CDH13: variants seen among roughly 807,000 people sequenced by gnomAD.
CDH13 encodes cadherin 13.
A neutral mutation model predicts 63.8 loss-of-function variants in CDH13; 24 were observed. The observed-to-expected ratio is 0.38, with a 90% CI of 0.27 to 0.53. The LOEUF is 0.53. CDH13 is among the 20% of genes least tolerant of loss of function. CDH13 has a pLI of 0.85. For missense variants in CDH13, 1,049 were observed against 903.1 expected (o/e 1.16, Z -2.07); for synonymous variants, 503 against 355.3 (o/e 1.42, Z -4.67).
At chr16:83,255,906 C>T (rs1394552177) in intron 5 of CDH13, among the ~76,000 whole-genome samples, 3 of 152,100 alleles carry the variant, frequency 2.0e-5, no homozygotes, top group African/African-American at 7.2e-5. Context: ...CTAAGCTTGG[C>T]ACATAGTTGG....
intron 10 of CDH13, among the ~76,000 whole-genome samples, chr16:83,700,046 C>A (rs569998553): frequency 7.0e-4 from 106 of 152,322 alleles, no homozygotes; most frequent in African/African-American, 2.5e-3. Flanking sequence ...TCCTCAGAAA[C>A]GTCCTGGACT....
In CDH13 at chr16:82,640,053, G is replaced by T. The variant is rs183766220; in HGVS notation, c.45+12916G>T. Among the ~76,000 whole-genome samples the T allele has an allele frequency of 3.9e-5, 6 of 152,356 alleles. No individual in the cohort carries two copies. In the East Asian group the frequency reaches 1.2e-3, roughly 29 times the overall value. On this transcript the variant is annotated intron_variant, in intron 1 of 13. Transcript: ENST00000567109. ...AAGAAAGACAAGATTGCCTGCCCCC[G>T]TGGAGTTTGTGTTCTGATAGCAGAG...
At chr16:83,647,282 C>T (rs1911918854) in intron 8 of CDH13, among the ~76,000 whole-genome samples, 1 of 146,786 alleles carries the variant, frequency 6.8e-6, no homozygotes, top group African/African-American at 2.5e-5. Flanking sequence ...TACTGCACTC[C>T]AGCCTGGGTG....
chr16:83,076,825 A>C (rs938522991), intron 3 of CDH13, among the ~76,000 whole-genome samples: 1 of 152,130 alleles, frequency 6.6e-6, no homozygotes, highest in South Asian at 2.1e-4. Flanking sequence ...GAAACCCACA[A>C]AGCTTATGCG....
chr16:83,751,748 A>G (rs1750010399), intron 11 of CDH13, among the ~76,000 whole-genome samples: 2 of 152,256 alleles, frequency 1.3e-5, no homozygotes, highest in East Asian at 1.9e-4. Context: ...AATCTTTGTC[A>G]AGAGCTTATA....
intron 6 of CDH13, among the ~76,000 whole-genome samples, chr16:83,389,666 C>G (rs7193565): frequency 0.51 from 77,419 of 152,042 alleles, 20,763 homozygotes; most frequent in African/African-American, 0.69. Flanking sequence ...GCTTGTTGCT[C>G]TGTCCTGGGG....
At chr16:83,236,960 A>AT (rs1310392398) in intron 5 of CDH13, among the ~76,000 whole-genome samples, 1 of 152,086 alleles carries the variant, frequency 6.6e-6, no homozygotes, top group East Asian at 1.9e-4. Context: ...GTTTCACCTC[A>AT]TTTTAAAAAT....
chr16:82,705,653 G>T (rs1440423303), intron 1 of CDH13, among the ~76,000 whole-genome samples: 1 of 151,828 alleles, frequency 6.6e-6, no homozygotes, highest in African/African-American at 2.4e-5. Flanking sequence ...CTTCTTTCTT[G>T]CCAGTATTTC....
intron 6 of CDH13, among the ~76,000 whole-genome samples, chr16:83,399,316 A>C (rs575797739): frequency 6.6e-6 from 1 of 152,220 alleles, no homozygotes; most frequent in Admixed American, 6.5e-5. Context: ...AGTGTTTTGA[A>C]ATATGTTACT....
At position 83,565,677 on chromosome 16, in the gene CDH13, T is replaced by G. The variant is rs80126687; in HGVS notation, c.961-36777T>G. ...GCATGGGGACCTCTGGGCATTCTCC[T>G]TTCTCTTCCTTGCTTTTAACTGATT... On this transcript the variant is annotated intron_variant, in intron 7 of 13. Coordinates refer to ENST00000567109, the MANE Select transcript of CDH13 (RefSeq NM_001257.5). Among the ~76,000 whole-genome samples, 452 of 152,298 alleles carry G rather than the reference T, an allele frequency of 3.0e-3. 2 individuals carry two copies. The highest frequency in any genetic ancestry group is 8.9e-3 in the African/African-American group (372 of 41,570).
chr16:82,929,621 C>T (rs1160854089), intron 2 of CDH13, among the ~76,000 whole-genome samples: 3 of 124,716 alleles, frequency 2.4e-5, no homozygotes, highest in Non-Finnish European at 4.7e-5. Context: ...CACTGCACTC[C>T]AGCTTGGGGG....
intron 8 of CDH13, among the ~76,000 whole-genome samples, chr16:83,669,289 C>T (rs976380588): frequency 6.6e-6 from 1 of 152,100 alleles, no homozygotes. Context: ...GCGCTTTAAC[C>T]CTGGGGAATC....
intron 2 of CDH13, among the ~76,000 whole-genome samples, chr16:82,871,289 G>C (rs900817830): frequency 6.6e-6 from 1 of 152,206 alleles, no homozygotes; most frequent in Non-Finnish European, 1.5e-5. Context: ...CTTTCTGGAA[G>C]TTCAGAATAG....
intron 7 of CDH13, among the ~76,000 whole-genome samples, chr16:83,514,118 T>C (rs1020455641): frequency 2.6e-5 from 4 of 152,202 alleles, no homozygotes; most frequent in Non-Finnish European, 5.9e-5. Context: ...ACTTTCACAG[T>C]GAGACAGGCC....
chr16:83,461,902 G>A (rs1414130986), intron 6 of CDH13, among the ~76,000 whole-genome samples: 1 of 152,182 alleles, frequency 6.6e-6, no homozygotes. Flanking sequence ...GAAAGCAGTG[G>A]CCTGCCTTGT....
intron 11 of CDH13, among the ~76,000 whole-genome samples, chr16:83,765,228 C>A (rs190306678): frequency 2.8e-3 from 431 of 152,248 alleles, no homozygotes; most frequent in Non-Finnish European, 4.4e-3. Context: ...AGGGTAGAGT[C>A]CCAGTAAATG....
intron 2 of CDH13, among the ~76,000 whole-genome samples, chr16:82,872,266 G>T (rs1439449007): frequency 6.6e-6 from 1 of 152,192 alleles, no homozygotes; most frequent in African/African-American, 2.4e-5. Flanking sequence ...TTTCTTGCTG[G>T]TGATGCTGGT....
intron 3 of CDH13, among the ~76,000 whole-genome samples, chr16:83,050,565 G>C (rs569980802): frequency 6.6e-6 from 1 of 152,212 alleles, no homozygotes; most frequent in South Asian, 2.1e-4. Flanking sequence ...TCCATTTCCT[G>C]TCTTGATTTT....
chr16:83,614,523 A>G (rs1287443118), intron 8 of CDH13, among the ~76,000 whole-genome samples: 2 of 152,238 alleles, frequency 1.3e-5, no homozygotes, highest in Non-Finnish European at 2.9e-5. Context: ...TAAAAGTTCT[A>G]TGGAATATTG....
Sources: allele counts gnomAD v4.1 joint callset (sites outside exome capture counted in the v4.1 genomes callset), GRCh38; gene constraint gnomAD v4.1.1; transcripts MANE v1.5; gene names NCBI Gene and HGNC (gene_info 2026-07-23, HGNC 2026-07-21).